URB1: variants seen among roughly 807,000 people sequenced by gnomAD.
The protein encoded by URB1 is nucleolar pre-ribosomal-associated protein 1.
In URB1, 197 loss-of-function variants were observed where a neutral mutation model predicts 242.3. The observed-to-expected ratio is 0.81, with a 90% CI of 0.72 to 0.91. URB1 has a LOEUF of 0.91. URB1 is among the 40% of genes least tolerant of loss of function. The pLI, the probability that URB1 is intolerant of heterozygous loss-of-function variation, is 0.00. For synonymous variants in URB1, 1,153 were observed against 1,201.8 expected (o/e 0.96, Z 0.84); for missense variants, 2,721 against 2,860.5 (o/e 0.95, Z 1.11).
rs147782087 is a variant in URB1 at position 32,350,750 on chromosome 21, T to A, written c.2786A>T (p.Lys929Met). The change falls in exon 20 of 39, where the codon AAG becomes ATG. Residue 929 changes from lysine to methionine, a missense_variant. By Grantham distance (95) the Lys-to-Met change is moderately conservative. Transcript: ENST00000382751. Reference protein sequence around the residue: ...LSMQQVLLAAKQVLLYLRSTV... With the variant: ...LSMQQVLLAAMQVLLYLRSTV... ...GCTCCGCAGGTAGAGCAACACCTGC[T>A]TGGCCGCGAGCAGGACCTGCTGCAT... 4.0e-4 allele frequency: 614 copies of A among 1,551,500 alleles called. 1 individual carries two copies. Among genetic ancestry groups the A allele is most frequent in the Middle Eastern group, 2.8e-3 (16 of 5,814 alleles).
chr21:32,355,434 G>T lies in URB1; in HGVS notation c.2106+15C>A, dbSNP rs367586999. The T allele has an allele frequency of 3.4e-5, 53 of 1,546,736 alleles. No individual in the cohort carries two copies. Among genetic ancestry groups the T allele is most frequent in the Middle Eastern group, 1.7e-4 (1 of 5,982 alleles). On this transcript the variant is annotated intron_variant, in intron 16 of 38. Coordinates refer to ENST00000382751, the MANE Select transcript of URB1 (RefSeq NM_014825.3). ...TCTCTGAGCATGTTCCTTTATGTGG[G>T]AAATATGTGCTTACGCGTTCCAGAA...
At chr21:32,326,616 C>T (rs1383183065) in intron 30 of URB1, among the ~76,000 whole-genome samples, 1 of 152,022 alleles carries the variant, frequency 6.6e-6, no homozygotes, top group African/African-American at 2.4e-5. Context: ...GCAGATTTCC[C>T]CTTGCTGTTC....
chr21:32,322,055 C>T, intron 33 of URB1, 111 bp from the exon 34 acceptor site: 2 of 1,251,550 alleles, frequency 1.6e-6, no homozygotes, highest in South Asian at 2.9e-5. Flanking sequence ...ACACAGCAGC[C>T]CTGACCTCCA....
At chr21:32,352,242 A>G (rs1159004400) in intron 19 of URB1, among the ~76,000 whole-genome samples, 1 of 152,196 alleles carries the variant, frequency 6.6e-6, no homozygotes, top group East Asian at 1.9e-4. Context: ...TGTAGTCCCC[A>G]GCAAAAGAAA....
Position 32,361,053 on chromosome 21 carries a change from G to T in URB1, c.1710C>A (p.Pro570=). The T allele has an allele frequency of 1.3e-6, 2 of 1,551,198 alleles. No homozygotes were observed. Among genetic ancestry groups the T allele is most frequent in the Non-Finnish European group, 1.7e-6 (2 of 1,146,898 alleles). The change falls in exon 13 of 39, where the codon CCC becomes CCA. Residue 570 remains proline (P), a synonymous_variant. Transcript: ENST00000382751. ...QVICLYQKVV[P]HVVMQYNFDF... ...CAAAGTTGTACTGCATGACCACGTG[G>T]GGGACCACCTTCTGGTAGAGGCATA...
rs1212899901 is a variant in URB1 at position 32,352,744 on chromosome 21, C to T, written c.2579G>A (p.Ser860Asn). ...QQLSRFNRYY[S>N]LWIPEQAREA... is the part of the protein sequence containing the mutation. ...TCGGGCTTGCTCCGGGATCCAGAGG[C>T]TGTAGTATCTGTTAAACCGTGAGAG... The change falls in exon 19 of 39, where the codon AGC becomes AAC. Residue 860 changes from serine (S) to asparagine (N), a missense_variant. By Grantham distance (46) the Ser-to-Asn change is conservative. Coordinates refer to ENST00000382751, the MANE Select transcript of URB1 (RefSeq NM_014825.3). The T allele has an allele frequency of 1.3e-6, 2 of 1,551,544 alleles. No homozygotes were observed. The highest frequency in any genetic ancestry group is 1.4e-5 in the African/African-American group (1 of 73,038).
At chr21:32,392,025 TA>T (rs1198638702) in intron 1 of URB1, among the ~76,000 whole-genome samples, 33 of 148,128 alleles carry the variant, frequency 2.2e-4, no homozygotes, top group Non-Finnish European at 2.4e-4. Context: ...CCCTGTCGTT[TA>T]AAAAAAAAAA....
chr21:32,328,827 C>G (rs2032860656), intron 30 of URB1, among the ~76,000 whole-genome samples: 1 of 152,188 alleles, frequency 6.6e-6, no homozygotes, highest in East Asian at 1.9e-4. Context: ...CCTCAGAATG[C>G]TGAAAACATG....
intron 20 of URB1, 27 bp downstream of exon 20, chr21:32,350,677 C>G: frequency 1.3e-6 from 2 of 1,546,794 alleles, no homozygotes. Context: ...AGCTCTGAAG[C>G]CTGTGGAGGA....
At chr21:32,338,622 G>C in intron 26 of URB1, 85 bp downstream of exon 26, 2 of 1,427,136 alleles carry the variant, frequency 1.4e-6, no homozygotes, top group Non-Finnish European at 1.9e-6. Flanking sequence ...AGAGCCGGAG[G>C]GAGATGAGCC....
intron 8 of URB1, 140 bp downstream of exon 8, chr21:32,372,367 C>T (rs2123611711): frequency 1.7e-6 from 2 of 1,191,706 alleles, no homozygotes; most frequent in East Asian, 5.5e-5. Flanking sequence ...TCTGGGACTA[C>T]AACTGTTCAA....
rs190959570 is a variant in URB1, at chr21:32,385,682, A to G, written c.145T>C (p.Leu49=). The G allele has an allele frequency of 1.5e-3, 2,249 of 1,550,412 alleles. No homozygotes were observed. The highest frequency in any genetic ancestry group is 2.4e-3 in the Admixed American group (122 of 50,730). Residue 49 remains leucine (L), a splice_region_variant and synonymous_variant, in exon 2 of 39, where the codon TTG becomes CTG. Coordinates refer to ENST00000382751, the MANE Select transcript of URB1 (RefSeq NM_014825.3). ...TTGGCAGCAGACACAAACGCTTCCAAGCCTGAAAAAAAAGTTATGTTCAAA... is the reference window on the plus strand; with the variant it reads ...TTGGCAGCAGACACAAACGCTTCCAGGCCTGAAAAAAAAGTTATGTTCAAA... ...LKDPQGPGPG[L]EAFVSAAKKL... is the part of the protein sequence containing the mutation.
intron 34 of URB1, 107 bp from the exon 35 acceptor site, chr21:32,320,747 T>C: frequency 1.2e-6 from 1 of 823,494 alleles, no homozygotes. Flanking sequence ...AGGTGGTGGC[T>C]GCAAATGAAG....
intron 36 of URB1, 123 bp from the exon 37 acceptor site, chr21:32,318,040 T>G: frequency 3.8e-6 from 5 of 1,302,314 alleles, no homozygotes; most frequent in Non-Finnish European, 4.2e-6. Flanking sequence ...GGAACCAGGT[T>G]TTCCTGCACA....
chr21:32,320,094 C>T (rs1283986370), intron 35 of URB1, among the ~76,000 whole-genome samples: 1 of 152,184 alleles, frequency 6.6e-6, no homozygotes, highest in African/African-American at 2.4e-5. Flanking sequence ...GGACAGAGAC[C>T]CTGCACTGAC....
rs2123581893 is a variant in URB1, at chr21:32,349,327, A to G, written c.2989T>C (p.Ser997Pro). ...DLFLDMESVA[S>P]LELANDQTLE... ...ACCTGATCATTGGCCAACTCCAGCG[A>G]GGCCACGGACTCCATGTCCAGGAAG... Residue 997 changes from serine to proline, a missense_variant, in exon 21 of 39, where the codon TCG becomes CCG. Ser to Pro is a moderately conservative substitution (Grantham distance 74). Coordinates refer to ENST00000382751, the MANE Select transcript of URB1 (RefSeq NM_014825.3). 1.9e-6 allele frequency: 3 copies of G among 1,547,550 alleles called. No homozygotes were observed. The East Asian group carries it at 7.3e-5, about 38-fold the overall frequency.
Position 32,355,526 on chromosome 21 carries a change from C to G in URB1, c.2029G>C (p.Glu677Gln). The change falls in exon 16 of 39, where the codon GAG (glutamate) becomes CAG (glutamine). Residue 677 changes from glutamate (E) to glutamine (Q), a missense_variant. Coordinates refer to ENST00000382751, the MANE Select transcript of URB1 (RefSeq NM_014825.3). ...AAATGCTCCAGCCAGAGCTCCAGCT[C>G]CTTCCAGGTGTGCTCAAACACCCCC... is the stretch of plus-strand genomic sequence containing the variant. ...DTGVFEHTWK[E>Q]LELWLEHLEN... 3 of 1,551,772 alleles carry G rather than the reference C, an allele frequency of 1.9e-6. No individual in the cohort carries two copies. Among genetic ancestry groups the G allele is most frequent in the Non-Finnish European group, 2.6e-6 (3 of 1,147,010 alleles).
Position 32,354,935 on chromosome 21 carries a change from T to C in URB1, c.2169A>G (p.Gln723=), listed in dbSNP as rs909187937. ...TAGTGGCCTGCAGCATGCTTGCTTC[T>C]TGGACAAAGTCAGATGCTTTGTCTG... ...SYTDKASDFV[Q]EASMLQATMT... The change falls in exon 17 of 39, where the codon CAA becomes CAG. Residue 723 remains glutamine (Q), a synonymous_variant. Coordinates refer to ENST00000382751, the MANE Select transcript of URB1 (RefSeq NM_014825.3). The C allele has an allele frequency of 6.4e-7, 1 of 1,552,382 alleles. No individual in the cohort carries two copies. The highest frequency in any genetic ancestry group is 2.4e-5 in the East Asian group (1 of 40,926).
intron 30 of URB1, among the ~76,000 whole-genome samples, chr21:32,328,577 G>T (rs962421304): frequency 6.6e-6 from 1 of 152,148 alleles, no homozygotes; most frequent in Non-Finnish European, 1.5e-5. Flanking sequence ...ACCTACATAA[G>T]TACATAACAA....
Sources: gnomAD v4.1 joint callset for allele counts (sites outside exome capture counted in the v4.1 genomes callset) on GRCh38, gnomAD v4.1.1 for gene constraint, MANE v1.5 for transcripts, NCBI Gene and HGNC (gene_info 2026-07-23, HGNC 2026-07-21) for gene names.